Variants in SESTD1 observed in about 807,000 individuals in gnomAD.
SESTD1 encodes the protein SEC14 and spectrin domain containing 1, also known as SEC14 domain and spectrin repeat-containing protein 1.
In SESTD1, 43 loss-of-function variants were observed where a neutral mutation model predicts 101.7. The ratio of observed to expected loss-of-function variants is 0.42; its 90% confidence interval spans 0.33 to 0.55. SESTD1 has a LOEUF of 0.55. Ranked by LOEUF, SESTD1 falls within the 20% of genes least tolerant of loss-of-function variation. SESTD1 has a pLI of 0.07. For missense variants in SESTD1, 647 were observed against 815.1 expected, an observed-to-expected ratio of 0.79 and a Z score of 2.51; for synonymous variants, 283 against 286.8, an observed-to-expected ratio of 0.99 and a Z score of 0.13.
intron 1 of SESTD1, among the ~76,000 whole-genome samples, chr2:179,236,503 G>C (rs1427391582): frequency 6.6e-6 from 1 of 151,814 alleles, no homozygotes; most frequent in African/African-American, 2.4e-5. Flanking sequence ...TATCTAAAAA[G>C]TAATTTTTTT....
At chr2:179,227,640 T>G (rs181343203) in intron 1 of SESTD1, among the ~76,000 whole-genome samples, 3 of 152,282 alleles carry the variant, frequency 2.0e-5, no homozygotes, top group East Asian at 3.9e-4. Flanking sequence ...AAAAAATGAT[T>G]TAAGGTTAAA....
rs2046600498 is a variant in SESTD1 at position 179,207,087 on chromosome 2, T to C, written c.-25-15221A>G. On this transcript the variant is annotated intron_variant, in intron 1 of 17. Transcript: ENST00000428443. Reference sequence around the variant, plus strand: ...GTCGGAGCTCAGACTAGTCTAACCCTGCCGATGGTTTTGCTCTATCTGCCC... The same window carrying C: ...GTCGGAGCTCAGACTAGTCTAACCCCGCCGATGGTTTTGCTCTATCTGCCC... Among the ~76,000 whole-genome samples the C allele has an allele frequency of 1.5e-5, 2 of 133,106 alleles. 1 individual carries two copies. Among genetic ancestry groups the C allele is most frequent in the African/African-American group, 6.0e-5 (2 of 33,294 alleles). The allele number at this position is 133,106 out of a possible 152,430, so 87.3% of individuals were successfully genotyped here.
At chr2:179,178,478 T>A (rs1272124944) in intron 3 of SESTD1, among the ~76,000 whole-genome samples, 1 of 151,586 alleles carries the variant, frequency 6.6e-6, no homozygotes, top group Non-Finnish European at 1.5e-5. Context: ...TAAAAAAAAA[T>A]AAAAGACTTG....
rs772173084 is a variant in SESTD1 at position 179,172,076 on chromosome 2, T to C, written c.369+44A>G. On this transcript the variant is annotated intron_variant, in intron 5 of 17. Coordinates refer to ENST00000428443, the MANE Select transcript of SESTD1 (RefSeq NM_178123.5). ...CAAAAATAATTTCAGTAAAATACTA[T>C]TTTTAAAGATATAATGGACTTTAAA... 2.4e-6 allele frequency: 3 copies of C among 1,275,288 alleles called. No homozygotes were observed. In the South Asian group the frequency reaches 3.8e-5, roughly 16 times the overall value. The allele number at this position is 1,275,288 out of a possible 1,614,324, so 79.0% of individuals were successfully genotyped here. A position where few individuals can be genotyped will look rare whatever the true frequency, so the allele number is the denominator to read the frequency against.
At chr2:179,175,585 A>G (rs1429429316) in intron 4 of SESTD1, among the ~76,000 whole-genome samples, 1 of 152,182 alleles carries the variant, frequency 6.6e-6, no homozygotes, top group Non-Finnish European at 1.5e-5. Flanking sequence ...TGTAAGTCAG[A>G]GTACCTGTGA....
chr2:179,259,916 C>T (rs1223081590), intron 1 of SESTD1, among the ~76,000 whole-genome samples: 2 of 152,196 alleles, frequency 1.3e-5, no homozygotes, highest in African/African-American at 4.8e-5. Context: ...TACCTACCAT[C>T]CTTCTTAAAG....
chr2:179,130,905 A>C (rs12693175), intron 10 of SESTD1, among the ~76,000 whole-genome samples: 18,817 of 152,098 alleles, frequency 0.12, 1,285 homozygotes, highest in South Asian at 0.25. Context: ...AAGAGAATTA[A>C]AAGATTATAT....
intron 17 of SESTD1, among the ~76,000 whole-genome samples, chr2:179,110,628 G>GA (rs200459484): frequency 0.012 from 1,823 of 152,200 alleles, 41 homozygotes; most frequent in African/African-American, 0.041. Context: ...GTCACCCAGG[G>GA]AAAAACCAGA....
intron 5 of SESTD1, among the ~76,000 whole-genome samples, chr2:179,158,642 A>T (rs1368800902): frequency 1.3e-5 from 2 of 152,182 alleles, no homozygotes; most frequent in African/African-American, 4.8e-5. Context: ...TACTGCTATT[A>T]TGTTTTTACC....
chr2:179,186,799 G>A (rs1284902070), intron 2 of SESTD1, among the ~76,000 whole-genome samples: 2 of 151,030 alleles, frequency 1.3e-5, no homozygotes, highest in South Asian at 4.2e-4. Context: ...GCCATTCAGG[G>A]ATTATTTTTA....
intron 1 of SESTD1, among the ~76,000 whole-genome samples, chr2:179,193,109 A>G (rs2046342070): frequency 6.6e-6 from 1 of 152,200 alleles, no homozygotes. Flanking sequence ...GGGGGTGGGA[A>G]AAAAAGGCAG....
At chr2:179,135,258 T>G (rs1338281580) in intron 9 of SESTD1, among the ~76,000 whole-genome samples, 1 of 152,272 alleles carries the variant, frequency 6.6e-6, no homozygotes, top group Middle Eastern at 3.4e-3. Flanking sequence ...CTGACTATTG[T>G]TTTTAAAATA....
At chr2:179,114,436 T>A (rs1302987649) in intron 16 of SESTD1, among the ~76,000 whole-genome samples, 1 of 152,162 alleles carries the variant, frequency 6.6e-6, no homozygotes, top group East Asian at 1.9e-4. Flanking sequence ...CTTTTCAGAA[T>A]GGATATGTAA....
chr2:179,257,868 T>C (rs1317510672), intron 1 of SESTD1, among the ~76,000 whole-genome samples: 2 of 152,246 alleles, frequency 1.3e-5, no homozygotes, highest in African/African-American at 4.8e-5. Context: ...CAAACAGTAA[T>C]TTCGTATAGC....
Position 179,117,527 on chromosome 2 carries a change from C to T in SESTD1, c.1524+5G>A, listed in dbSNP as rs2044659855. The T allele has an allele frequency of 6.4e-7, 1 of 1,567,780 alleles. No individual in the cohort carries two copies. Among genetic ancestry groups the T allele is most frequent in the African/African-American group, 1.4e-5 (1 of 71,600 alleles). Reference sequence around the variant, plus strand: ...AACTACATAATGTAGCTGACTGCTCCTTACCTGGGCAGCATCTTCTTCACA... The same window carrying T: ...AACTACATAATGTAGCTGACTGCTCTTTACCTGGGCAGCATCTTCTTCACA... On this transcript the variant is annotated splice_donor_5th_base_variant and intron_variant, in intron 14 of 17. Coordinates refer to ENST00000428443, the MANE Select transcript of SESTD1 (RefSeq NM_178123.5).
Position 179,195,979 on chromosome 2 carries a change from C to T in SESTD1, c.-25-4113G>A, listed in dbSNP as rs181203570. On this transcript the variant is annotated intron_variant, in intron 1 of 17. Transcript: ENST00000428443. ...CAAGATGGCCGAATAGGAACAGCTC[C>T]GGTCTACAGCCCCCAGCATGAACGA... is the stretch of plus-strand genomic sequence containing the variant. Among the ~76,000 whole-genome samples the T allele has an allele frequency of 1.6e-4, 25 of 152,176 alleles. 2 individuals carry two copies. The East Asian group carries it at 3.5e-3, about 21-fold the overall frequency.
rs558764066 is a variant in SESTD1, at chr2:179,186,671, G to T, written c.56-3483C>A. ...AGAACAGGATAAGTATCAGAAGACT[G>T]TATTTTCAGGGAATTTTTTTTTTTT... On this transcript the variant is annotated intron_variant, in intron 2 of 17. Coordinates refer to ENST00000428443, the MANE Select transcript of SESTD1 (RefSeq NM_178123.5). Among the ~76,000 whole-genome samples, 12 of 146,520 alleles carry T rather than the reference G, an allele frequency of 8.2e-5. 1 individual carries two copies. The East Asian group carries it at 2.2e-3, about 27-fold the overall frequency.
rs1374400129 is a variant in SESTD1, at chr2:179,207,981, C to T, written c.-25-16115G>A. Among the ~76,000 whole-genome samples, 5 of 133,576 alleles carry T rather than the reference C, an allele frequency of 3.7e-5. 2 individuals carry two copies. Among genetic ancestry groups the T allele is most frequent in the Non-Finnish European group, 8.0e-5 (5 of 62,432 alleles). The allele number at this position is 133,576 out of a possible 152,430, so 87.6% of individuals were successfully genotyped here. On this transcript the variant is annotated intron_variant, in intron 1 of 17. Transcript: ENST00000428443. ...CAACTTAAAGAAATTTTAAAAAATA[C>T]AGGATATTAACGAAAACGTCTCCAG...
chr2:179,213,195 T>C lies in SESTD1; in HGVS notation c.-25-21329A>G, dbSNP rs953090222. On this transcript the variant is annotated intron_variant, in intron 1 of 17. Coordinates refer to ENST00000428443, the MANE Select transcript of SESTD1 (RefSeq NM_178123.5). ...CTTTAGAAGGTCAGTAATAACAAAG[T>C]TCTCCGAGCTAAAGGGGCATGTTCT... Among the ~76,000 whole-genome samples, 9 of 134,442 alleles carry C rather than the reference T, an allele frequency of 6.7e-5. 4 individuals are homozygous for C. The highest frequency in any genetic ancestry group is 2.7e-4 in the African/African-American group (9 of 33,938). The allele number at this position is 134,442 out of a possible 152,430, so 88.2% of individuals were successfully genotyped here.
Sources: allele counts gnomAD v4.1 joint callset (sites outside exome capture counted in the v4.1 genomes callset), GRCh38; gene constraint gnomAD v4.1.1; transcripts MANE v1.5; gene names NCBI Gene and HGNC (gene_info 2026-07-23, HGNC 2026-07-21).